Variants in DYNC1I2 observed in about 807,000 individuals in gnomAD.
DYNC1I2 encodes the protein dynein cytoplasmic 1 intermediate chain 2, also known as cytoplasmic dynein 1 intermediate chain 2.
DYNC1I2 carries 53 observed loss-of-function variants against 88.6 expected under a neutral mutation model. That is an observed-to-expected ratio of 0.60 (90% CI 0.48 to 0.75). DYNC1I2 has a LOEUF of 0.75. Among genes scored for constraint, DYNC1I2 ranks in the 30% least tolerant of loss-of-function variants. DYNC1I2 has a pLI of 0.00. For synonymous variants in DYNC1I2, 198 were observed against 254.6 expected, an observed-to-expected ratio of 0.78 and a Z score of 2.12; for missense variants, 458 against 766.6, an observed-to-expected ratio of 0.60 and a Z score of 4.75.
chr2:171,722,424 G>A (rs1687960592), intron 7 of DYNC1I2, among the ~76,000 whole-genome samples: 1 of 152,114 alleles, frequency 6.6e-6, no homozygotes, highest in African/African-American at 2.4e-5. Context: ...AGAAAGCGTG[G>A]AGTTAACCAC....
intron 3 of DYNC1I2, among the ~76,000 whole-genome samples, chr2:171,702,548 A>G (rs981259656): frequency 2.4e-5 from 2 of 81,794 alleles, no homozygotes; most frequent in South Asian, 5.6e-4. Context: ...TTTCTTTTCA[A>G]TATAGAATGT....
At chr2:171,723,745 C>T (rs963385232) in intron 7 of DYNC1I2, among the ~76,000 whole-genome samples, 24 of 152,156 alleles carry the variant, frequency 1.6e-4, no homozygotes, top group Admixed American at 9.8e-4. Flanking sequence ...AAGAGAGTGG[C>T]GATCACTAAG....
At position 171,726,301 on chromosome 2, in the gene DYNC1I2, ATAACAAAATAGGCCGCTCTT is replaced by A; in HGVS notation, c.870+9_870+28del. ...TTGGATTGGTCATCTCAGGTAAAAT[ATAACAAAATAGGCCGCTCTT>A]AACTCATTTTTAAAATTATAATTAG... On this transcript the variant is annotated intron_variant, in intron 10 of 17. Coordinates refer to ENST00000397119, the MANE Select transcript of DYNC1I2 (RefSeq NM_001378.3). 6.3e-7 allele frequency: 1 copy of A among 1,588,006 alleles called. No homozygotes were observed. The highest frequency in any genetic ancestry group is 1.1e-5 in the South Asian group (1 of 87,636).
At chr2:171,704,982 C>T (rs770279180) in intron 3 of DYNC1I2, among the ~76,000 whole-genome samples, 10 of 152,100 alleles carry the variant, frequency 6.6e-5, no homozygotes, top group African/African-American at 2.4e-4. Flanking sequence ...CAGATAATAG[C>T]TAAGAGTCCT....
intron 3 of DYNC1I2, among the ~76,000 whole-genome samples, chr2:171,701,379 G>A (rs1462719567): frequency 2.0e-5 from 3 of 151,902 alleles, no homozygotes; most frequent in South Asian, 2.1e-4. Context: ...CATGTTGGCC[G>A]GGCTAGTCTC....
chr2:171,736,834 A>T (rs1408281640), intron 15 of DYNC1I2, among the ~76,000 whole-genome samples: 1 of 152,190 alleles, frequency 6.6e-6, no homozygotes, highest in African/African-American at 2.4e-5. Flanking sequence ...CAAATTGATG[A>T]CATATTTATT....
intron 7 of DYNC1I2, among the ~76,000 whole-genome samples, chr2:171,724,019 A>C (rs1175309373): frequency 6.6e-6 from 1 of 152,158 alleles, no homozygotes; most frequent in Non-Finnish European, 1.5e-5. Flanking sequence ...TTGAAAGGAA[A>C]AATTTTAACC....
chr2:171,710,162 C>CACACAT (rs1553583743), intron 5 of DYNC1I2, among the ~76,000 whole-genome samples: 9 of 137,002 alleles, frequency 6.6e-5, no homozygotes, highest in African/African-American at 2.5e-4. Context: ...CACACACACA[C>CACACAT]ACAGAGTAAT....
chr2:171,699,921 A>G (rs1212702514), intron 3 of DYNC1I2, among the ~76,000 whole-genome samples: 3 of 151,802 alleles, frequency 2.0e-5, no homozygotes, highest in Non-Finnish European at 2.9e-5. Context: ...AGTTTTTTTA[A>G]TGGTTATAGT....
intron 2 of DYNC1I2, among the ~76,000 whole-genome samples, chr2:171,691,359 C>T (rs1273619197): frequency 6.6e-6 from 1 of 152,166 alleles, no homozygotes; most frequent in Non-Finnish European, 1.5e-5. Context: ...TGTACTTTTA[C>T]TACAGATATG....
At chr2:171,733,756 AG>A (rs1166369454) in intron 15 of DYNC1I2, among the ~76,000 whole-genome samples, 21 of 136,628 alleles carry the variant, frequency 1.5e-4, no homozygotes, top group African/African-American at 2.3e-4. Context: ...TTTGTTTTTT[AG>A]GGGTTTTTTT....
chr2:171,717,626 C>T lies in DYNC1I2; in HGVS notation c.511+2183C>T, dbSNP rs566058699. Reference sequence around the variant, plus strand: ...AGCTTTCAGTATGAGAATACTAATACTGCAGGATTCTGTAATTTCTAGAAA... The same window carrying T: ...AGCTTTCAGTATGAGAATACTAATATTGCAGGATTCTGTAATTTCTAGAAA... On this transcript the variant is annotated intron_variant, in intron 7 of 17. Coordinates refer to ENST00000397119, the MANE Select transcript of DYNC1I2 (RefSeq NM_001378.3). Among the ~76,000 whole-genome samples the T allele has an allele frequency of 1.4e-4, 21 of 152,198 alleles. No individual in the cohort carries two copies. In the South Asian group the frequency reaches 4.4e-3, roughly 32 times the overall value.
chr2:171,715,535 T>G, intron 7 of DYNC1I2, 92 bp downstream of exon 7: 2 of 910,090 alleles, frequency 2.2e-6, no homozygotes. Flanking sequence ...TTTTGTTTCT[T>G]TTTTGCTTTT....
rs1251875567 is a variant in DYNC1I2 at position 171,748,613 on chromosome 2, T to A, written c.*724T>A. Among the ~76,000 whole-genome samples the A allele has an allele frequency of 6.6e-6, 1 of 152,228 alleles. No homozygotes were observed. Among genetic ancestry groups the A allele is most frequent in the African/African-American group, 2.4e-5 (1 of 41,464 alleles). On this transcript the variant is annotated 3_prime_UTR_variant, in exon 18 of 18. Transcript: ENST00000397119. ...AATTGATGTCTAGATAATCTGTTGG[T>A]GAAAAAATTTCCCCTAGGTTAACTT...
Position 171,725,628 on chromosome 2 carries a change from AGAT to A in DYNC1I2, c.530_532del (p.Asp177del). ...TTTTTTTTTTTTCAGATGAAGAGGA[AGAT>A]GATGATGTAGTGGCTCCTAAACCAC... On this transcript the variant is annotated inframe_deletion, in exon 8 of 18. Coordinates refer to ENST00000397119, the MANE Select transcript of DYNC1I2 (RefSeq NM_001378.3). The A allele has an allele frequency of 3.5e-6, 5 of 1,437,526 alleles. No homozygotes were observed. The highest frequency in any genetic ancestry group is 4.6e-6 in the Non-Finnish European group (5 of 1,079,572). 89.0% of individuals were successfully genotyped at this position (1,437,526 alleles called of 1,614,324 possible). A position where few individuals can be genotyped will look rare whatever the true frequency, so the allele number is the denominator to read the frequency against.
intron 2 of DYNC1I2, 46 bp from the exon 3 acceptor site, chr2:171,692,731 T>A (rs746680198): frequency 7.1e-7 from 1 of 1,407,284 alleles, no homozygotes; most frequent in Non-Finnish European, 9.6e-7. Flanking sequence ...GCAAACAAAT[T>A]TTTCATACTA....
chr2:171,739,333 C>T (rs933183439), intron 15 of DYNC1I2, among the ~76,000 whole-genome samples: 2 of 151,896 alleles, frequency 1.3e-5, no homozygotes, highest in African/African-American at 4.8e-5. Flanking sequence ...ATTTTTAATT[C>T]ACAATTTTAA....
chr2:171,707,427 C>T (rs1686767969), intron 5 of DYNC1I2, 50 bp downstream of exon 5: 10 of 1,516,224 alleles, frequency 6.6e-6, no homozygotes, highest in Non-Finnish European at 8.1e-6. Context: ...CATTCAGTGC[C>T]CAAATACTGT....
intron 15 of DYNC1I2, among the ~76,000 whole-genome samples, chr2:171,735,826 T>C (rs1394435456): frequency 2.0e-5 from 3 of 152,242 alleles, no homozygotes; most frequent in Non-Finnish European, 4.4e-5. Flanking sequence ...ACCATACTTG[T>C]TACAGATTAC....
Sources: gnomAD v4.1 joint callset for allele counts (sites outside exome capture counted in the v4.1 genomes callset) on GRCh38, gnomAD v4.1.1 for gene constraint, MANE v1.5 for transcripts, NCBI Gene and HGNC (gene_info 2026-07-23, HGNC 2026-07-21) for gene names.